The following IL17RA variants were observed in gnomAD, a reference collection of about 807,000 sequenced individuals.
IL17RA encodes interleukin-17 receptor A.
In IL17RA, 34 loss-of-function variants were observed where a neutral mutation model predicts 50.4. That is an observed-to-expected ratio of 0.67 (90% confidence interval 0.51 to 0.90). The LOEUF (loss-of-function observed/expected upper bound fraction) is 0.90. Ranked by LOEUF, IL17RA falls within the 40% of genes least tolerant of loss-of-function variation. IL17RA has a pLI of 0.00. For missense variants in IL17RA, 1,276 were observed against 1,169.8 expected, an observed-to-expected ratio of 1.09 and a Z score of -1.32; for synonymous variants, 585 against 510.4, an observed-to-expected ratio of 1.15 and a Z score of -1.97.
rs1419591414 is a variant in IL17RA at position 17,114,125 on chromosome 22, C to G, written c.*4305C>G. 1.3e-5 allele frequency: 2 copies of G among 152,214 alleles called. No homozygotes were observed. Among genetic ancestry groups the G allele is most frequent in the East Asian group, 3.9e-4 (2 of 5,194 alleles). 9.4% of individuals were successfully genotyped at this position (152,214 alleles called of 1,614,324 possible). A position where few individuals can be genotyped will look rare whatever the true frequency, so the allele number is the denominator to read the frequency against. ...TGGAAAAATGGCAACAATATGGATT[C>G]CATGGGTATATTTTATAGAAGAATA... On this transcript the variant is annotated 3_prime_UTR_variant, in exon 13 of 13. Transcript: ENST00000319363.
chr22:17,099,657 A>G (rs546219917), intron 4 of IL17RA, among the ~76,000 whole-genome samples: 6 of 152,114 alleles, frequency 3.9e-5, no homozygotes, highest in Non-Finnish European at 5.9e-5. Flanking sequence ...CCCCTCTCCG[A>G]TGTTAAATTA....
Position 17,115,600 on chromosome 22 carries a change from T to A in IL17RA, c.*5780T>A, listed in dbSNP as rs1245008507. The stretch of plus-strand genomic sequence containing the variant: ...CCTCTGTGCTAAGAAAAAAAAAAAA[T>A]CACTGTGTGTTTGTTTATTTTGGTG... On this transcript the variant is annotated 3_prime_UTR_variant, in exon 13 of 13. Transcript: ENST00000319363. 1 of 141,250 alleles carries A rather than the reference T, an allele frequency of 7.1e-6. No homozygotes were observed. Among genetic ancestry groups the A allele is most frequent in the Non-Finnish European group, 1.5e-5 (1 of 65,012 alleles). The allele number at this position is 141,250 out of a possible 1,614,324, so 8.7% of individuals were successfully genotyped here.
At chr22:17,106,846 G>A (rs1445567257) in intron 11 of IL17RA, among the ~76,000 whole-genome samples, 3 of 147,400 alleles carry the variant, frequency 2.0e-5, no homozygotes, top group Non-Finnish European at 4.6e-5. Context: ...CTCTCTAAAG[G>A]TTTGGGGCTG....
intron 9 of IL17RA, 134 bp downstream of exon 9, chr22:17,104,944 G>A: frequency 1.2e-6 from 1 of 827,576 alleles, no homozygotes; most frequent in South Asian, 1.4e-5. Context: ...AGTCCTTCAG[G>A]CCTGAAGTGT....
At chr22:17,103,654 G>A in intron 8 of IL17RA, 77 bp downstream of exon 8, 2 of 1,147,668 alleles carry the variant, frequency 1.7e-6, no homozygotes, top group South Asian at 2.6e-5. Flanking sequence ...TGAGGAGTGT[G>A]CACAGGTGAA....
intron 2 of IL17RA, chr22:17,097,569 T>C (rs1954020703): frequency 1.7e-6 from 1 of 595,120 alleles, no homozygotes; most frequent in Non-Finnish European, 3.0e-6. Context: ...CTTGTGTACT[T>C]TGTCTTCTCT....
At position 17,085,052 on chromosome 22, in the gene IL17RA, C is replaced by T; in HGVS notation, c.-40C>T. The T allele has an allele frequency of 7.7e-7, 1 of 1,290,342 alleles. No homozygotes were observed. Among genetic ancestry groups the T allele is most frequent in the Non-Finnish European group, 9.8e-7 (1 of 1,018,296 alleles). 79.9% of individuals were successfully genotyped at this position (1,290,342 alleles called of 1,614,324 possible). A position where few individuals can be genotyped will look rare whatever the true frequency, so the allele number is the denominator to read the frequency against. ...GCCTCAGAACGTTCGTTCGCTGCGT[C>T]CCCAGCCGGGGCCGAGCCCTCCGCG... On this transcript the variant is annotated 5_prime_UTR_variant, in exon 1 of 13. Coordinates refer to ENST00000319363, the MANE Select transcript of IL17RA (RefSeq NM_014339.7).
At chr22:17,090,699 C>T (rs2061344952) in intron 1 of IL17RA, among the ~76,000 whole-genome samples, 1 of 152,178 alleles carries the variant, frequency 6.6e-6, no homozygotes, top group South Asian at 2.1e-4. Context: ...CACCACTTCT[C>T]CCTGTTTTTT....
At chr22:17,097,176 A>G (rs925999794) in intron 2 of IL17RA, 90 bp downstream of exon 2, 1 of 1,278,024 alleles carries the variant, frequency 7.8e-7, no homozygotes, top group African/African-American at 1.5e-5. Context: ...TTGCCATGCC[A>G]CTCCAGGTTC....
At chr22:17,100,784 A>G (rs1601343410) in intron 5 of IL17RA, among the ~76,000 whole-genome samples, 1 of 152,260 alleles carries the variant, frequency 6.6e-6, no homozygotes, top group East Asian at 1.9e-4. Flanking sequence ...TGCCCAGAAA[A>G]TAGCATAAAG....
In IL17RA at chr22:17,109,337, G is replaced by C. The variant is rs1336099449; in HGVS notation, c.2118G>C (p.Leu706=). ...GGGAGGGCGAGGCCTGCCCGCTGCT[G>C]GGCAGCCCGGGCGCTGGGCGAAATA... The part of the protein sequence containing the change: ...LAGEGEACPL[L]GSPGAGRNSV... The change falls in exon 13 of 13, where the codon CTG becomes CTC. Residue 706 remains leucine, a synonymous_variant. Coordinates refer to ENST00000319363, the MANE Select transcript of IL17RA (RefSeq NM_014339.7). 3 of 1,572,288 alleles carry C rather than the reference G, an allele frequency of 1.9e-6. No individual in the cohort carries two copies. Among genetic ancestry groups the C allele is most frequent in the Non-Finnish European group, 2.6e-6 (3 of 1,162,748 alleles).
At chr22:17,096,739 G>T (rs571970179) in intron 1 of IL17RA, among the ~76,000 whole-genome samples, 1 of 151,910 alleles carries the variant, frequency 6.6e-6, no homozygotes, top group Non-Finnish European at 1.5e-5. Context: ...GCGTGGTGGC[G>T]GGCGCCTGTA....
At chr22:17,091,054 A>G (rs992090711) in intron 1 of IL17RA, among the ~76,000 whole-genome samples, 8 of 152,162 alleles carry the variant, frequency 5.3e-5, no homozygotes, top group African/African-American at 1.9e-4. Context: ...CTGTGGCACA[A>G]CAGGTCTAGA....
chr22:17,096,714 C>CA (rs1169968237), intron 1 of IL17RA, among the ~76,000 whole-genome samples: 1 of 151,976 alleles, frequency 6.6e-6, no homozygotes, highest in African/African-American at 2.4e-5. Context: ...ACTAAAAACA[C>CA]AAAAAAGTAG....
In IL17RA at chr22:17,108,619, T is replaced by C. The variant is rs369912474; in HGVS notation, c.1400T>C (p.Leu467Pro). 3.4e-4 allele frequency: 550 copies of C among 1,604,468 alleles called. No individual in the cohort carries two copies. The highest frequency in any genetic ancestry group is 4.3e-4 in the Non-Finnish European group (506 of 1,179,598). ...ALLGRGAPVR[L>P]RCDHGKPVGD... is the part of the protein sequence containing the mutation. ...CTGGGCCGGGGGGCGCCTGTGCGGC[T>C]GCGCTGCGACCACGGAAAGCCCGTG... Residue 467 changes from leucine (L) to proline (P), a missense_variant, in exon 13 of 13, where the codon CTG becomes CCG. Leu to Pro is a moderately conservative substitution (Grantham distance 98). Coordinates refer to ENST00000319363, the MANE Select transcript of IL17RA (RefSeq NM_014339.7).
At chr22:17,106,281 C>T (rs1326336145) in intron 11 of IL17RA, among the ~76,000 whole-genome samples, 1 of 152,186 alleles carries the variant, frequency 6.6e-6, no homozygotes, top group African/African-American at 2.4e-5. Flanking sequence ...GCCTGAACAA[C>T]CCCATCCTGC....
chr22:17,091,461 G>T (rs1235713939), intron 1 of IL17RA, among the ~76,000 whole-genome samples: 2 of 152,222 alleles, frequency 1.3e-5, no homozygotes, highest in Admixed American at 6.5e-5. Context: ...CGGATCACGA[G>T]GTCAGGAGAT....
chr22:17,086,012 C>A (rs2061326432), intron 1 of IL17RA, among the ~76,000 whole-genome samples: 1 of 152,174 alleles, frequency 6.6e-6, no homozygotes, highest in South Asian at 2.1e-4. Context: ...TCTGGGAACC[C>A]GGTGAGAGCG....
chr22:17,093,112 C>T (rs145254143), intron 1 of IL17RA, among the ~76,000 whole-genome samples: 2 of 151,538 alleles, frequency 1.3e-5, no homozygotes, highest in East Asian at 3.9e-4. Flanking sequence ...TTGTTTTGAT[C>T]TATTTTTCAT....
Sources: allele counts gnomAD v4.1 joint callset (sites outside exome capture counted in the v4.1 genomes callset), GRCh38; gene constraint gnomAD v4.1.1; transcripts MANE v1.5; gene names NCBI Gene and HGNC (gene_info 2026-07-23, HGNC 2026-07-21).